Variants in N4BP2 observed in about 807,000 individuals in gnomAD.
The protein encoded by N4BP2 is NEDD4 binding protein 2.
A neutral mutation model predicts 152.8 loss-of-function variants in N4BP2; 91 were observed. The observed-to-expected ratio is 0.60, with a 90% CI of 0.50 to 0.71. The LOEUF (loss-of-function observed/expected upper bound fraction) is 0.71, where lower values mean the gene tolerates loss of function less well. Ranked by LOEUF, N4BP2 falls within the 30% of genes least tolerant of loss-of-function variation. The probability of loss-of-function intolerance (pLI) is 0.00; values close to 1 mark genes in which losing one functional copy is unlikely to be tolerated. For synonymous variants in N4BP2, 646 were observed against 705.3 expected, an observed-to-expected ratio of 0.92 and a Z score of 1.33; for missense variants, 1,923 against 2,059.1, an observed-to-expected ratio of 0.93 and a Z score of 1.28.
chr4:40,067,154 A>G (rs1486103863), intron 1 of N4BP2, among the ~76,000 whole-genome samples: 4 of 146,056 alleles, frequency 2.7e-5, no homozygotes, highest in Admixed American at 1.4e-4. Context: ...ACCTCCCCAG[A>G]CTCAAGCCAT....
the N4BP2 span, among the ~76,000 whole-genome samples, chr4:40,174,874 ACT>A: frequency 6.7e-6 from 1 of 149,566 alleles, no homozygotes; most frequent in Non-Finnish European, 1.5e-5. Flanking sequence ...CTATAGATAG[ACT>A]CTGGGATATT....
At chr4:40,128,506 A>T (rs890720927) in intron 12 of N4BP2, among the ~76,000 whole-genome samples, 2 of 151,530 alleles carry the variant, frequency 1.3e-5, no homozygotes, top group Admixed American at 6.6e-5. Context: ...TATATGTATT[A>T]ATTTGAGGCA....
At chr4:40,186,897 A>T in the N4BP2 span, among the ~76,000 whole-genome samples, 1 of 152,130 alleles carries the variant, frequency 6.6e-6, no homozygotes, top group African/African-American at 2.4e-5. Context: ...TGGATGACAT[A>T]TTTTGTTGTT....
At position 40,102,800 on chromosome 4, in the gene N4BP2, C is replaced by G. The variant is rs755339834; in HGVS notation, c.955C>G (p.Leu319Val). Residue 319 changes from leucine to valine, a missense_variant, in exon 4 of 18, where the codon CTA becomes GTA. Physicochemically the swap from Leu to Val is conservative, Grantham distance 32 (BLOSUM62 1). Coordinates refer to ENST00000261435, the MANE Select transcript of N4BP2 (RefSeq NM_018177.6). Reference protein sequence around the residue: ...QKSTRVSDVFLPSEGFNFKPH... With the variant: ...QKSTRVSDVFVPSEGFNFKPH... Reference sequence around the variant, plus strand: ...ATCTACTCGGGTCTCTGATGTGTTTCTACCTTCCGAAGGGTTCAACTTCAA... The same window carrying G: ...ATCTACTCGGGTCTCTGATGTGTTTGTACCTTCCGAAGGGTTCAACTTCAA... 6.2e-7 allele frequency: 1 copy of G among 1,614,150 alleles called. No homozygotes were observed.
intron 2 of N4BP2, among the ~76,000 whole-genome samples, chr4:40,083,981 C>T (rs556496871): frequency 6.6e-5 from 10 of 152,336 alleles, no homozygotes; most frequent in African/African-American, 1.4e-4. Flanking sequence ...TTCATTCAGA[C>T]GGGGTCTCAC....
At chr4:40,179,135 G>A in the N4BP2 span, among the ~76,000 whole-genome samples, 3 of 152,146 alleles carry the variant, frequency 2.0e-5, no homozygotes, top group South Asian at 2.1e-4. Context: ...TTGGGAGGCC[G>A]AGGCGGGCAG....
At chr4:40,128,116 G>A (rs996167209) in intron 12 of N4BP2, among the ~76,000 whole-genome samples, 8 of 152,190 alleles carry the variant, frequency 5.3e-5, no homozygotes, top group East Asian at 1.9e-4. Flanking sequence ...AGTAGATTTC[G>A]TTTGGATTTC....
At chr4:40,095,282 T>C (rs1344952594) in intron 2 of N4BP2, among the ~76,000 whole-genome samples, 1 of 152,032 alleles carries the variant, frequency 6.6e-6, no homozygotes, top group African/African-American at 2.4e-5. Flanking sequence ...ATTTCACCAT[T>C]GTTGGCCAGG....
chr4:40,070,700 C>T (rs966369806), intron 1 of N4BP2, among the ~76,000 whole-genome samples: 4 of 152,062 alleles, frequency 2.6e-5, no homozygotes, highest in African/African-American at 9.7e-5. Flanking sequence ...ATCCTCCTGC[C>T]TTGGCCTCGC....
intron 2 of N4BP2, among the ~76,000 whole-genome samples, chr4:40,091,693 C>A (rs545785643): frequency 1.4e-5 from 2 of 143,880 alleles, no homozygotes; most frequent in South Asian, 4.4e-4. Flanking sequence ...GAAGCCTCGA[C>A]CACCTGGGCC....
intron 2 of N4BP2, among the ~76,000 whole-genome samples, chr4:40,089,836 T>C (rs1318361542): frequency 2.6e-5 from 4 of 152,188 alleles, no homozygotes; most frequent in African/African-American, 4.8e-5. Context: ...CAAGGAGAGA[T>C]TTTCCCCTTT....
Position 40,084,631 on chromosome 4 carries a change from A to ATTT in N4BP2, c.-115+11095_-115+11097dup, listed in dbSNP as rs67269894. On this transcript the variant is annotated intron_variant, in intron 2 of 17. Transcript: ENST00000261435. The stretch of plus-strand genomic sequence containing the variant: ...TTGTGTGTGTATATATATATATATA[A>ATTT]TTTTTTTTTTTTTTTTTGAGGCAGA... 5.0e-3 allele frequency among the ~76,000 whole-genome samples: 643 copies of ATTT among 128,656 alleles called. 6 individuals are homozygous for ATTT. Among genetic ancestry groups the ATTT allele is most frequent in the African/African-American group, 0.018 (604 of 34,086 alleles). 84.4% of individuals were successfully genotyped at this position (128,656 alleles called of 152,430 possible).
intron 5 of N4BP2, among the ~76,000 whole-genome samples, chr4:40,111,012 G>T (rs1716826809): frequency 6.6e-6 from 1 of 152,086 alleles, no homozygotes; most frequent in Admixed American, 6.5e-5. Flanking sequence ...AATCCCTTGT[G>T]CAATGGTGTA....
At chr4:40,159,901 TCTCA>T (rs1721810220), downstream of N4BP2, among the ~76,000 whole-genome samples, 1 of 152,108 alleles carries the variant, frequency 6.6e-6, no homozygotes, top group Non-Finnish European at 1.5e-5. Flanking sequence ...TGAGATGGAT[TCTCA>T]CTCTGTCACC....
intron 7 of N4BP2, 120 bp downstream of exon 7, chr4:40,113,628 G>A: frequency 1.4e-6 from 1 of 720,272 alleles, no homozygotes; most frequent in South Asian, 1.7e-5. Flanking sequence ...AATTTCTATT[G>A]CTTACGGCTT....
chr4:40,137,371 G>A (rs755941754), intron 14 of N4BP2, among the ~76,000 whole-genome samples: 1 of 152,154 alleles, frequency 6.6e-6, no homozygotes, highest in African/African-American at 2.4e-5. Flanking sequence ...TAATGTGATG[G>A]GTCTTGAATA....
intron 3 of N4BP2, among the ~76,000 whole-genome samples, chr4:40,100,300 G>A (rs1033696939): frequency 6.6e-6 from 1 of 151,848 alleles, no homozygotes; most frequent in African/African-American, 2.4e-5. Flanking sequence ...TCTTAAAACA[G>A]CAAGACAAAA....
chr4:40,175,650 A>G, the N4BP2 span, among the ~76,000 whole-genome samples: 5 of 151,942 alleles, frequency 3.3e-5, no homozygotes, highest in Non-Finnish European at 7.4e-5. Context: ...CTACCAAAAA[A>G]TACAAAAAGT....
At chr4:40,178,803 T>G in the N4BP2 span, among the ~76,000 whole-genome samples, 16 of 152,336 alleles carry the variant, frequency 1.1e-4, no homozygotes, top group East Asian at 3.1e-3. Flanking sequence ...TAAGACATGC[T>G]TAGTGCAGCT....
Sources: gnomAD v4.1 joint callset for allele counts (sites outside exome capture counted in the v4.1 genomes callset) on GRCh38, gnomAD v4.1.1 for gene constraint, MANE v1.5 for transcripts, NCBI Gene and HGNC (gene_info 2026-07-23, HGNC 2026-07-21) for gene names.